The following ZNF831 variants were observed in gnomAD, a reference collection of about 807,000 sequenced individuals.
The protein encoded by ZNF831 is zinc finger protein 831.
Under a neutral mutation model 95.8 loss-of-function variants are expected in ZNF831, and 59 were observed. That is an observed-to-expected ratio of 0.62 (90% CI 0.50 to 0.77). The LOEUF (loss-of-function observed/expected upper bound fraction) is 0.77, where lower values mean the gene tolerates loss of function less well. Ranked by LOEUF, ZNF831 falls within the 30% of genes least tolerant of loss-of-function variation. The pLI is 0.00. For missense variants in ZNF831, 2,205 were observed against 2,164.0 expected, an observed-to-expected ratio of 1.02 and a Z score of -0.38; for synonymous variants, 961 against 925.5, an observed-to-expected ratio of 1.04 and a Z score of -0.70.
chr20:59,216,511 G>A (rs1038560917), intron 4 of ZNF831, among the ~76,000 whole-genome samples: 4 of 152,166 alleles, frequency 2.6e-5, no homozygotes, highest in Non-Finnish European at 5.9e-5. Flanking sequence ...TCTGGCTCCC[G>A]GAAACCCTGC....
intron 1 of ZNF831, among the ~76,000 whole-genome samples, chr20:59,132,480 C>T (rs189826300): frequency 5.3e-5 from 8 of 152,300 alleles, no homozygotes; most frequent in African/African-American, 1.7e-4. Context: ...GAGGCCTCTT[C>T]CCTGCAGCCT....
chr20:59,159,387 C>T (rs560710363), upstream of ZNF831, among the ~76,000 whole-genome samples: 1 of 152,172 alleles, frequency 6.6e-6, no homozygotes, highest in African/African-American at 2.4e-5. Flanking sequence ...TTCAATTATT[C>T]AGCTGATCCT....
At chr20:59,143,256 C>T (rs1979737680) in intron 1 of ZNF831, among the ~76,000 whole-genome samples, 1 of 152,180 alleles carries the variant, frequency 6.6e-6, no homozygotes, top group Non-Finnish European at 1.5e-5. Flanking sequence ...TGCTCAAATA[C>T]ACAACCATTG....
chr20:59,187,426 C>G (rs1230942133), intron 1 of ZNF831, among the ~76,000 whole-genome samples: 3 of 152,084 alleles, frequency 2.0e-5, no homozygotes, highest in Non-Finnish European at 4.4e-5. Context: ...AGGATGCAGG[C>G]CCTCACCAGG....
chr20:59,204,616 G>T (rs1984753837), intron 3 of ZNF831, among the ~76,000 whole-genome samples: 1 of 152,238 alleles, frequency 6.6e-6, no homozygotes, highest in East Asian at 1.9e-4. Context: ...AGGAATGTGT[G>T]TGGAGTGGGC....
chr20:59,162,313 CT>C, upstream of ZNF831, among the ~76,000 whole-genome samples: 3 of 152,294 alleles, frequency 2.0e-5, 1 homozygote, highest in Middle Eastern at 0.01. Context: ...AGGACTTAGT[CT>C]TAAATTCTTT....
chr20:59,218,473 C>G (rs1322959488), intron 4 of ZNF831, among the ~76,000 whole-genome samples: 1 of 152,126 alleles, frequency 6.6e-6, no homozygotes, highest in Non-Finnish European at 1.5e-5. Flanking sequence ...TCTCACAGAA[C>G]AGAGAGAATT....
chr20:59,201,314 G>A (rs187223847), intron 3 of ZNF831, among the ~76,000 whole-genome samples: 4 of 152,082 alleles, frequency 2.6e-5, no homozygotes, highest in South Asian at 2.1e-4. Flanking sequence ...AATCTTTTGC[G>A]CATCAAAAAT....
At chr20:59,147,550 A>G (rs1369197604) in intron 2 of ZNF831, among the ~76,000 whole-genome samples, 1 of 152,230 alleles carries the variant, frequency 6.6e-6, no homozygotes, top group East Asian at 1.9e-4. Context: ...AAGGCTGTAC[A>G]AGCTGAAATT....
chr20:59,252,291 G>A lies in ZNF831; in HGVS notation c.4028-687G>A, dbSNP rs75152246. Among the ~76,000 whole-genome samples, 305 of 152,302 alleles carry A rather than the reference G, an allele frequency of 2.0e-3. 1 individual carries two copies. Among genetic ancestry groups the A allele is most frequent in the Middle Eastern group, 3.4e-3 (1 of 294 alleles). On this transcript the variant is annotated intron_variant, in intron 4 of 5. Transcript: ENST00000371030. ...AAGTGGGTCTAGTGCTTCTTCTCTA[G>A]TGACACAGTCGTTTTAAGATATTTC...
At chr20:59,222,948 G>T (rs1389881705) in intron 4 of ZNF831, among the ~76,000 whole-genome samples, 19 of 152,166 alleles carry the variant, frequency 1.2e-4, no homozygotes, top group Admixed American at 1.2e-3. Flanking sequence ...CTGCAAATCG[G>T]CTGGGACCCC....
chr20:59,192,728 T>G lies in ZNF831; in HGVS notation c.1709T>G (p.Leu570Arg), dbSNP rs1366726063. The change falls in exon 2 of 6, where the codon CTG (leucine) becomes CGG (arginine). Residue 570 changes from leucine to arginine, a missense_variant. Transcript: ENST00000371030. The surrounding 1 kb of genome is among the most constrained non-coding windows in gnomAD (Gnocchi z 5.2). ...ALVRQAAVED[L>R]PGTPIGDALV... ...GTCAGACAGGCCGCGGTGGAGGACC[T>G]GCCAGGCACCCCCATTGGCGATGCC... The G allele has an allele frequency of 2.5e-6, 4 of 1,608,962 alleles. No individual in the cohort carries two copies. Among genetic ancestry groups the G allele is most frequent in the Non-Finnish European group, 3.4e-6 (4 of 1,178,450 alleles).
In ZNF831 at chr20:59,193,651, G is replaced by A. The variant is rs2146587033; in HGVS notation, c.2632G>A (p.Glu878Lys). Residue 878 changes from glutamate to lysine, a missense_variant, in exon 2 of 6, where the codon GAG becomes AAG. Transcript: ENST00000371030. ...AAAGGAGAGTGCCAGGCAGGTGGGC[G>A]AGCCTCTGGAGTCCTCTGGAGCCTC... ...GSKESARQVGEPLESSGASLA... is the reference protein window; with the variant it reads ...GSKESARQVGKPLESSGASLA... 4 of 1,612,970 alleles carry A rather than the reference G, an allele frequency of 2.5e-6. No individual in the cohort carries two copies. Among genetic ancestry groups the A allele is most frequent in the South Asian group, 1.1e-5 (1 of 91,080 alleles).
intron 3 of ZNF831, among the ~76,000 whole-genome samples, chr20:59,197,437 G>A (rs918171003): frequency 2.0e-5 from 3 of 152,136 alleles, no homozygotes; most frequent in African/African-American, 4.8e-5. Flanking sequence ...TGAACCAGCC[G>A]GTCTCCTTCC....
At chr20:59,209,851 T>A (rs1985169069) in intron 4 of ZNF831, among the ~76,000 whole-genome samples, 1 of 152,204 alleles carries the variant, frequency 6.6e-6, no homozygotes, top group Non-Finnish European at 1.5e-5. Context: ...TCTCCCTGTG[T>A]CACTGTGGGT....
At chr20:59,233,198 T>C (rs1157102320) in intron 4 of ZNF831, among the ~76,000 whole-genome samples, 1 of 152,150 alleles carries the variant, frequency 6.6e-6, no homozygotes, top group Non-Finnish European at 1.5e-5. Context: ...CTGCATGAAG[T>C]TGAGAGTCAT....
intron 1 of ZNF831, among the ~76,000 whole-genome samples, chr20:59,135,781 C>A (rs1233499079): frequency 3.9e-5 from 6 of 152,096 alleles, no homozygotes; most frequent in African/African-American, 9.7e-5. Context: ...GCCTGTGATC[C>A]CAGTTATTAG....
rs190143191 is a variant in ZNF831, at chr20:59,130,707, C to G, written c.-1425+7202C>G. On this transcript the variant is annotated intron_variant, in intron 1 of 7. Transcript: ENST00000637017. ...ATTTGAGTCCCAGAGATGAAAAATGCCCCAAACTCACCCTGGGTATGGACA... is the reference window on the plus strand; with the variant it reads ...ATTTGAGTCCCAGAGATGAAAAATGGCCCAAACTCACCCTGGGTATGGACA... Among the ~76,000 whole-genome samples, 411 of 152,244 alleles carry G rather than the reference C, an allele frequency of 2.7e-3. 3 individuals are homozygous for G. Among genetic ancestry groups the G allele is most frequent in the African/African-American group, 9.3e-3 (385 of 41,524 alleles).
At position 59,169,692 on chromosome 20, in the gene ZNF831, G is replaced by A. The variant is rs1168810269; in HGVS notation, c.-37+5485G>A. Among the ~76,000 whole-genome samples, 1 of 152,100 alleles carries A rather than the reference G, an allele frequency of 6.6e-6. No homozygotes were observed. The highest frequency in any genetic ancestry group is 2.4e-5 in the African/African-American group (1 of 41,392). On this transcript the variant is annotated intron_variant, in intron 1 of 5. Coordinates refer to ENST00000371030, the MANE Select transcript of ZNF831 (RefSeq NM_178457.3). The surrounding 1 kb of genome is among the most constrained non-coding windows in gnomAD (Gnocchi z 4.1). The stretch of plus-strand genomic sequence containing the variant: ...AGGCAGGAGGATCAGTTGAGGTCAG[G>A]AGTTTGAGACCAGCCTGGCCAACAT...
Sources: allele counts gnomAD v4.1 joint callset (sites outside exome capture counted in the v4.1 genomes callset), GRCh38; gene constraint gnomAD v4.1.1; non-coding constraint Gnocchi (gnomAD v3.1); transcripts MANE v1.5; gene names NCBI Gene and HGNC (gene_info 2026-07-23, HGNC 2026-07-21).